EPHX4: variants seen among roughly 807,000 people sequenced by gnomAD.
EPHX4 encodes epoxide hydrolase 4.
Under a neutral mutation model 44.9 loss-of-function variants are expected in EPHX4, and 31 were observed. The observed-to-expected ratio is 0.69, with a 90% CI of 0.52 to 0.93. The LOEUF is 0.93. Ranked by LOEUF, EPHX4 falls within the 40% of genes least tolerant of loss-of-function variation. EPHX4 has a pLI of 0.00. For synonymous variants in EPHX4, 151 were observed against 159.7 expected, an observed-to-expected ratio of 0.95 and a Z score of 0.41; for missense variants, 373 against 438.1, an observed-to-expected ratio of 0.85 and a Z score of 1.33.
At chr1:92,034,346 A>G (rs1688406283) in intron 2 of EPHX4, among the ~76,000 whole-genome samples, 1 of 151,806 alleles carries the variant, frequency 6.6e-6, no homozygotes, top group Admixed American at 6.6e-5. Context: ...TGGCAGTAAA[A>G]GAAAACCAGT....
chr1:92,060,492 GT>G (rs1327303933), intron 6 of EPHX4, among the ~76,000 whole-genome samples: 1 of 151,726 alleles, frequency 6.6e-6, no homozygotes, highest in Non-Finnish European at 1.5e-5. Context: ...AAATAATTAA[GT>G]TATTGGATTC....
At position 92,043,193 on chromosome 1, in the gene EPHX4, T is replaced by A. The variant is rs1688534885; in HGVS notation, c.475+213T>A. 4 of 410,098 alleles carry A rather than the reference T, an allele frequency of 9.8e-6. No individual in the cohort carries two copies. In the South Asian group the frequency reaches 1.6e-4, roughly 17 times the overall value. The allele number at this position is 410,098 out of a possible 1,614,324, so 25.4% of individuals were successfully genotyped here. A position where few individuals can be genotyped will look rare whatever the true frequency, so the allele number is the denominator to read the frequency against. Reference sequence around the variant, plus strand: ...AACTATTCTGTCTACCAGCCAAGAATGACTTTTCAGATTTGTTTTTAAACA... The same window carrying A: ...AACTATTCTGTCTACCAGCCAAGAAAGACTTTTCAGATTTGTTTTTAAACA... On this transcript the variant is annotated intron_variant, in intron 3 of 6. Transcript: ENST00000370383.
At chr1:92,057,805 G>A (rs1355917872) in intron 6 of EPHX4, among the ~76,000 whole-genome samples, 1 of 152,106 alleles carries the variant, frequency 6.6e-6, no homozygotes, top group African/African-American at 2.4e-5. Flanking sequence ...TCACCATGTT[G>A]GCCAGGCTGG....
At chr1:92,056,489 T>C (rs1336071531) in intron 6 of EPHX4, among the ~76,000 whole-genome samples, 1 of 152,120 alleles carries the variant, frequency 6.6e-6, no homozygotes, top group African/African-American at 2.4e-5. Flanking sequence ...ATAATTACTG[T>C]AGGAGATTTT....
At position 92,035,849 on chromosome 1, in the gene EPHX4, T is replaced by C. The variant is rs1008489646; in HGVS notation, c.317+3259T>C. On this transcript the variant is annotated intron_variant, in intron 2 of 6. Coordinates refer to ENST00000370383, the MANE Select transcript of EPHX4 (RefSeq NM_173567.5). ...TAAGTGACTTATATATACCATCTCATTTAAGCCCCATAGCTACCCTTCTGA... is the reference window on the plus strand; with the variant it reads ...TAAGTGACTTATATATACCATCTCACTTAAGCCCCATAGCTACCCTTCTGA... Among the ~76,000 whole-genome samples the C allele has an allele frequency of 5.9e-5, 9 of 152,280 alleles. No homozygotes were observed. In the East Asian group the frequency reaches 1.7e-3, roughly 29 times the overall value.
chr1:92,033,582 G>C (rs1688392289), intron 2 of EPHX4, among the ~76,000 whole-genome samples: 1 of 152,120 alleles, frequency 6.6e-6, no homozygotes, highest in Non-Finnish European at 1.5e-5. Context: ...CCTATGCACA[G>C]AGCAATAGGC....
intron 2 of EPHX4, among the ~76,000 whole-genome samples, chr1:92,040,642 G>A (rs1445661724): frequency 6.6e-6 from 1 of 151,450 alleles, no homozygotes; most frequent in Non-Finnish European, 1.5e-5. Context: ...TTAATTTTTT[G>A]TAGAGACAGG....
chr1:92,057,354 A>T (rs1647390954), intron 6 of EPHX4, among the ~76,000 whole-genome samples: 1 of 152,184 alleles, frequency 6.6e-6, no homozygotes, highest in Non-Finnish European at 1.5e-5. Flanking sequence ...AGCAGTAAAA[A>T]AAATAACTAT....
intron 6 of EPHX4, among the ~76,000 whole-genome samples, chr1:92,060,543 A>T (rs1647472266): frequency 6.6e-6 from 1 of 152,166 alleles, no homozygotes; most frequent in Non-Finnish European, 1.5e-5. Context: ...ACTTCAGTGA[A>T]AACCATAAGA....
intron 4 of EPHX4, 74 bp downstream of exon 4, chr1:92,045,734 A>G: frequency 1.3e-6 from 2 of 1,561,696 alleles, no homozygotes; most frequent in Non-Finnish European, 1.7e-6. Context: ...TTTGGATTAG[A>G]AACAGCAAAA....
chr1:92,032,480 A>C (rs1227426883), intron 1 of EPHX4, 25 bp from the exon 2 acceptor site: 1 of 1,585,052 alleles, frequency 6.3e-7, no homozygotes, highest in Non-Finnish European at 8.7e-7. Context: ...AAACATCACT[A>C]AAATTCCATG....
chr1:92,043,239 C>T, intron 3 of EPHX4: 1 of 257,222 alleles, frequency 3.9e-6, no homozygotes, highest in South Asian at 6.6e-5. Flanking sequence ...GGCCCGGGTG[C>T]TGTGGCTTGC....
chr1:92,043,701 T>C (rs1688544916), intron 3 of EPHX4: 1 of 152,258 alleles, frequency 6.6e-6, no homozygotes, highest in Non-Finnish European at 1.5e-5. Context: ...CCTGTGCTCA[T>C]GGATCTGCAG....
At chr1:92,032,193 G>A (rs1187743846) in intron 1 of EPHX4, among the ~76,000 whole-genome samples, 1 of 152,170 alleles carries the variant, frequency 6.6e-6, no homozygotes, top group Non-Finnish European at 1.5e-5. Flanking sequence ...TGCTTCAGAA[G>A]CTCATAATAT....
At position 92,030,490 on chromosome 1, in the gene EPHX4, G is replaced by GTGTGTGTGTGTGTGTGTGTGTGTGTGTC; in HGVS notation, c.231+180_231+181insTGTGTGTGTGTGTGTGTGTGTGTGTGTC. On this transcript the variant is annotated intron_variant, in intron 1 of 6. Transcript: ENST00000370383. Reference sequence around the variant, plus strand: ...TGTGTGTGTGTGTGTGTGTGTGAGAGAGAGAGAGAGAGAGAGAGATACAGA... The same window carrying GTGTGTGTGTGTGTGTGTGTGTGTGTGTC: ...TGTGTGTGTGTGTGTGTGTGTGAGAGTGTGTGTGTGTGTGTGTGTGTGTGTGTCAGAGAGAGAGAGAGAGAGATACAGA... Among the ~76,000 whole-genome samples, 2 of 127,762 alleles carry GTGTGTGTGTGTGTGTGTGTGTGTGTGTC rather than the reference G, an allele frequency of 1.6e-5. 1 individual carries two copies. Among genetic ancestry groups the GTGTGTGTGTGTGTGTGTGTGTGTGTGTC allele is most frequent in the African/African-American group, 6.1e-5 (2 of 32,842 alleles). 83.8% of individuals were successfully genotyped at this position (127,762 alleles called of 152,430 possible).
chr1:92,037,670 G>C (rs1347009971), intron 2 of EPHX4, among the ~76,000 whole-genome samples: 1 of 152,184 alleles, frequency 6.6e-6, no homozygotes, highest in East Asian at 1.9e-4. Context: ...GCATTTCTCT[G>C]TGGTAAAGAG....
At chr1:92,062,835 C>A (rs993371812) in intron 6 of EPHX4, among the ~76,000 whole-genome samples, 1 of 152,030 alleles carries the variant, frequency 6.6e-6, no homozygotes, top group African/African-American at 2.4e-5. Flanking sequence ...TAATCACCCC[C>A]ACCCTGTGAA....
At position 92,063,132 on chromosome 1, in the gene EPHX4, T is replaced by G; in HGVS notation, c.935T>G (p.Val312Gly). ...LWGENDAFME[V>G]EMAEVTKIYV... is the part of the protein sequence containing the mutation. ...GGAGAGAATGACGCATTCATGGAGG[T>G]TGAGATGGCTGAAGTCACAAAGATT... Residue 312 changes from valine (V) to glycine (G), a missense_variant, in exon 7 of 7, where the codon GTT (valine) becomes GGT (glycine). By Grantham distance (109) the Val-to-Gly change is moderately radical. Transcript: ENST00000370383. 6.2e-7 allele frequency: 1 copy of G among 1,614,048 alleles called. No homozygotes were observed. Among genetic ancestry groups the G allele is most frequent in the South Asian group, 1.1e-5 (1 of 91,066 alleles).
At chr1:92,059,435 C>CA (rs374474733) in intron 6 of EPHX4, among the ~76,000 whole-genome samples, 106 of 145,974 alleles carry the variant, frequency 7.3e-4, no homozygotes, top group South Asian at 6.5e-4. Context: ...GACCCTGTCT[C>CA]AAAAAAAAAA....
Sources: allele counts gnomAD v4.1 joint callset (sites outside exome capture counted in the v4.1 genomes callset), GRCh38; gene constraint gnomAD v4.1.1; transcripts MANE v1.5; gene names NCBI Gene and HGNC (gene_info 2026-07-23, HGNC 2026-07-21).